The following MIDEAS variants were observed in gnomAD, a reference collection of about 807,000 sequenced individuals.
MIDEAS encodes the protein mitotic deacetylase associated SANT domain protein.
MIDEAS carries 26 observed loss-of-function variants against 102.7 expected under a neutral mutation model. That is an observed-to-expected ratio of 0.25 (90% CI 0.19 to 0.35). MIDEAS has a LOEUF of 0.35. Ranked by LOEUF, MIDEAS falls within the 10% of genes least tolerant of loss-of-function variation. The probability of loss-of-function intolerance (pLI) is 1.00; values close to 1 mark genes in which losing one functional copy is unlikely to be tolerated. For synonymous variants in MIDEAS, 585 were observed against 591.0 expected (o/e 0.99, Z 0.15); for missense variants, 1,231 against 1,435.6 (o/e 0.86, Z 2.30).
intron 1 of MIDEAS, among the ~76,000 whole-genome samples, chr14:73,758,524 AG>A (rs1187436518): frequency 6.6e-6 from 1 of 152,086 alleles, no homozygotes; most frequent in Non-Finnish European, 1.5e-5. Context: ...TCCCTCCCCC[AG>A]CCGCAGCTGC....
chr14:73,726,332 C>T (rs959824563), intron 7 of MIDEAS, among the ~76,000 whole-genome samples: 1 of 152,174 alleles, frequency 6.6e-6, no homozygotes, highest in Non-Finnish European at 1.5e-5. Context: ...CCAAGGGAGG[C>T]AGCACTGCTG....
In MIDEAS at chr14:73,726,818, G is replaced by T. The variant is rs768749343; in HGVS notation, c.2305+12C>A. 1 of 1,607,420 alleles carries T rather than the reference G, an allele frequency of 6.2e-7. No individual in the cohort carries two copies. On this transcript the variant is annotated intron_variant, in intron 6 of 12. Coordinates refer to ENST00000423556, the MANE Select transcript of MIDEAS (RefSeq NM_001367710.1). Reference sequence around the variant, plus strand: ...GCCTGCCCTCACTTGCTGCCCCCAGGCCCCTCCTCACCTTGCCTCTGCTTC... The same window carrying T: ...GCCTGCCCTCACTTGCTGCCCCCAGTCCCCTCCTCACCTTGCCTCTGCTTC...
chr14:73,782,313 C>T (rs921570017), intron 1 of MIDEAS, among the ~76,000 whole-genome samples: 1 of 151,982 alleles, frequency 6.6e-6, no homozygotes, highest in South Asian at 2.1e-4. Context: ...TTGGGCAAAA[C>T]AAGCATGCGG....
chr14:73,768,173 A>T (rs1040834742), intron 1 of MIDEAS, among the ~76,000 whole-genome samples: 2 of 152,170 alleles, frequency 1.3e-5, no homozygotes, highest in African/African-American at 4.8e-5. Context: ...TCTCAAAAAA[A>T]TTAAAAAATA....
intron 3 of MIDEAS, among the ~76,000 whole-genome samples, chr14:73,735,763 T>C (rs556019592): frequency 6.6e-6 from 1 of 152,220 alleles, no homozygotes; most frequent in East Asian, 1.9e-4. Context: ...TGTGCATTAT[T>C]TGGGGAATAG....
chr14:73,732,760 G>A lies in MIDEAS; in HGVS notation c.1750-2775C>T, dbSNP rs1478924458. On this transcript the variant is annotated intron_variant, in intron 3 of 12. Coordinates refer to ENST00000423556, the MANE Select transcript of MIDEAS (RefSeq NM_001367710.1). Reference sequence around the variant, plus strand: ...GAGAACATGCCACTGCACTCTAGCCGGGGTGACACAGTGAGACTCCCTCTC... The same window carrying A: ...GAGAACATGCCACTGCACTCTAGCCAGGGTGACACAGTGAGACTCCCTCTC... Among the ~76,000 whole-genome samples the A allele has an allele frequency of 5.9e-4, 81 of 137,968 alleles. 1 individual carries two copies. Among genetic ancestry groups the A allele is most frequent in the Admixed American group, 7.5e-4 (10 of 13,396 alleles). The allele number at this position is 137,968 out of a possible 152,430, so 90.5% of individuals were successfully genotyped here. A position where few individuals can be genotyped will look rare whatever the true frequency, so the allele number is the denominator to read the frequency against.
Position 73,725,441 on chromosome 14 carries a change from G to A in MIDEAS, c.2486-81C>T. On this transcript the variant is annotated intron_variant, in intron 8 of 12. Transcript: ENST00000423556. This position sits in a 1 kb window ranked among gnomAD's most constrained non-coding sequence, Gnocchi z 4.1. ...GGGCAATTTTGACAAGCAAAAAAGT[G>A]TGAGGCCATCCGCCCATGGTTTCTG... The A allele has an allele frequency of 8.6e-7, 1 of 1,166,266 alleles. No individual in the cohort carries two copies. Among genetic ancestry groups the A allele is most frequent in the Non-Finnish European group, 1.3e-6 (1 of 776,692 alleles). The allele number at this position is 1,166,266 out of a possible 1,614,324, so 72.2% of individuals were successfully genotyped here. A position where few individuals can be genotyped will look rare whatever the true frequency, so the allele number is the denominator to read the frequency against.
chr14:73,718,890 G>A lies in MIDEAS; in HGVS notation c.3253C>T (p.His1085Tyr), dbSNP rs1441047519. The change falls in exon 13 of 13, where the codon CAC (histidine) becomes TAC (tyrosine). Residue 1085 changes from histidine to tyrosine, a missense_variant. His to Tyr is a moderately conservative substitution (Grantham distance 83). Transcript: ENST00000423556. ...KEAAAAAAAA[H>Y]QQALREESGA... ...CTCTCCTCCCGCAGGGCCTGCTGGT[G>A]GGCGGCGGCGGCGGCAGCAGCGGCC... The A allele has an allele frequency of 1.2e-5, 18 of 1,518,366 alleles. No homozygotes were observed. Among genetic ancestry groups the A allele is most frequent in the Non-Finnish European group, 1.5e-5 (17 of 1,139,576 alleles). 94.1% of individuals were successfully genotyped at this position (1,518,366 alleles called of 1,614,324 possible). A position where few individuals can be genotyped will look rare whatever the true frequency, so the allele number is the denominator to read the frequency against.
intron 10 of MIDEAS, chr14:73,722,337 A>C: frequency 6.0e-6 from 1 of 167,016 alleles, no homozygotes; most frequent in Non-Finnish European, 1.3e-5. Flanking sequence ...AATATGACAA[A>C]AATTCTAATG....
At chr14:73,745,299 T>G (rs575504493) in intron 1 of MIDEAS, among the ~76,000 whole-genome samples, 1 of 152,350 alleles carries the variant, frequency 6.6e-6, no homozygotes, top group Non-Finnish European at 1.5e-5. Flanking sequence ...TGTCACCTGC[T>G]GCCCCACAAC....
chr14:73,763,123 C>T (rs1049556792), upstream of MIDEAS, among the ~76,000 whole-genome samples: 6 of 152,180 alleles, frequency 3.9e-5, no homozygotes, highest in African/African-American at 1.2e-4. Flanking sequence ...AGTGCTTGAG[C>T]GCAGGAGTTT....
At chr14:73,721,543 G>A (rs2052993230) in intron 10 of MIDEAS, 34 bp from the exon 11 acceptor site, 4 of 1,593,146 alleles carry the variant, frequency 2.5e-6, no homozygotes, top group African/African-American at 1.3e-5. Flanking sequence ...AGTGAGCCTA[G>A]AGCTCTGTCT....
At chr14:73,787,331 C>G (rs2053825079), upstream of MIDEAS, 1 of 150,844 alleles carries the variant, frequency 6.6e-6, no homozygotes, top group Non-Finnish European at 1.5e-5. Flanking sequence ...GCGCCCCTGG[C>G]CCCAGGCGCC....
chr14:73,740,580 T>A (rs1352753481), intron 1 of MIDEAS, among the ~76,000 whole-genome samples: 1 of 152,178 alleles, frequency 6.6e-6, no homozygotes, highest in Non-Finnish European at 1.5e-5. Context: ...AAGGCACAGG[T>A]GGAGCTGACA....
intron 10 of MIDEAS, 110 bp from the exon 11 acceptor site, chr14:73,721,619 T>C (rs1029264029): frequency 1.5e-5 from 14 of 958,730 alleles, no homozygotes; most frequent in Non-Finnish European, 2.1e-5. Context: ...CCTGCTCGCC[T>C]GGCTGGCCCA....
intron 1 of MIDEAS, among the ~76,000 whole-genome samples, chr14:73,778,460 C>T (rs535081062): frequency 2.0e-5 from 3 of 151,872 alleles, no homozygotes; most frequent in African/African-American, 7.2e-5. Flanking sequence ...CTAAATGCCA[C>T]GTGTCAGCAC....
rs1412689790 is a variant in MIDEAS, at chr14:73,725,824, C to T, written c.2485+209G>A. Among the ~76,000 whole-genome samples the T allele has an allele frequency of 6.6e-6, 1 of 152,118 alleles. No individual in the cohort carries two copies. Among genetic ancestry groups the T allele is most frequent in the African/African-American group, 2.4e-5 (1 of 41,412 alleles). On this transcript the variant is annotated intron_variant, in intron 8 of 12. Transcript: ENST00000423556. The surrounding 1 kb of genome is among the most constrained non-coding windows in gnomAD (Gnocchi z 4.1). Reference sequence around the variant, plus strand: ...TTGCCTGGATGGTCTCCCACCTGCCCACTCCCTTCTCCCCTCCCCTCCAGG... The same window carrying T: ...TTGCCTGGATGGTCTCCCACCTGCCTACTCCCTTCTCCCCTCCCCTCCAGG...
chr14:73,745,907 C>T (rs1023161359), intron 1 of MIDEAS, among the ~76,000 whole-genome samples: 1 of 152,216 alleles, frequency 6.6e-6, no homozygotes, highest in African/African-American at 2.4e-5. Flanking sequence ...CCAATCCAGA[C>T]AGTCCCTGGA....
At chr14:73,775,788 A>G (rs1271799010) in intron 1 of MIDEAS, among the ~76,000 whole-genome samples, 1 of 152,080 alleles carries the variant, frequency 6.6e-6, no homozygotes, top group Non-Finnish European at 1.5e-5. Context: ...AGAAGATCTG[A>G]GGGCAAGACG....
Sources: gnomAD v4.1 joint callset for allele counts (sites outside exome capture counted in the v4.1 genomes callset) on GRCh38, gnomAD v4.1.1 for gene constraint, Gnocchi (gnomAD v3.1) non-coding constraint, MANE v1.5 for transcripts, NCBI Gene and HGNC (gene_info 2026-07-23, HGNC 2026-07-21) for gene names.